The following GSN variants were observed in gnomAD, a reference collection of about 807,000 sequenced individuals.
The protein encoded by GSN is actin-depolymerizing factor.
In GSN, 56 loss-of-function variants were observed where a neutral mutation model predicts 85.7. That is an observed-to-expected ratio of 0.65 (90% CI 0.53 to 0.82). The LOEUF is 0.82. Among genes scored for constraint, GSN ranks in the 40% least tolerant of loss-of-function variants. The pLI, the probability that GSN is intolerant of heterozygous loss-of-function variation, is 0.00. For missense variants in GSN, 857 were observed against 979.8 expected, an observed-to-expected ratio of 0.87 and a Z score of 1.67; for synonymous variants, 373 against 399.1, an observed-to-expected ratio of 0.93 and a Z score of 0.78.
At chr9:121,306,855 C>T (rs1314988952) in intron 4 of GSN, among the ~76,000 whole-genome samples, 1 of 152,186 alleles carries the variant, frequency 6.6e-6, no homozygotes, top group African/African-American at 2.4e-5. Context: ...ATTAATCAGG[C>T]AGCTCATGGC....
chr9:121,299,250 C>T lies in GSN; in HGVS notation c.-9-2713C>T. On this transcript the variant is annotated intron_variant, in intron 2 of 17. Coordinates refer to ENST00000432226, the MANE Select transcript of GSN (RefSeq NM_198252.3). This position sits in a 1 kb window ranked among gnomAD's most constrained non-coding sequence, Gnocchi z 4.2. The stretch of plus-strand genomic sequence containing the variant: ...GCGTTCTGCCCCGCCCCTCTGAGTC[C>T]TGCCGGCTTCACCTGCCCACGGGAG... 1.0e-6 allele frequency: 1 copy of T among 978,784 alleles called. No homozygotes were observed. The highest frequency in any genetic ancestry group is 1.2e-6 in the Non-Finnish European group (1 of 823,782). 60.6% of individuals were successfully genotyped at this position (978,784 alleles called of 1,614,324 possible). A position where few individuals can be genotyped will look rare whatever the true frequency, so the allele number is the denominator to read the frequency against.
intron 4 of GSN, among the ~76,000 whole-genome samples, chr9:121,227,708 C>T (rs919007477): frequency 6.6e-6 from 1 of 152,144 alleles, no homozygotes; most frequent in African/African-American, 2.4e-5. Flanking sequence ...GAAATACACC[C>T]TCACATTGGT....
At chr9:121,215,938 C>T (rs1237085014) in intron 4 of GSN, among the ~76,000 whole-genome samples, 1 of 152,014 alleles carries the variant, frequency 6.6e-6, no homozygotes, top group South Asian at 2.1e-4. Flanking sequence ...AAAAAAATAG[C>T]TGGGTGAGTG....
intron 1 of GSN, chr9:121,279,986 C>T (rs2057159390): frequency 6.6e-6 from 1 of 152,208 alleles, no homozygotes. Context: ...TACCGTGACT[C>T]CACTTCCGTG....
intron 1 of GSN, among the ~76,000 whole-genome samples, chr9:121,275,867 G>A (rs575970431): frequency 6.6e-6 from 1 of 152,198 alleles, no homozygotes; most frequent in African/African-American, 2.4e-5. Flanking sequence ...CATCTTTAGG[G>A]TTGCCTTATT....
rs1026827366 is a variant in GSN at position 121,310,692 on chromosome 9, T to C, written c.360T>C (p.Gly120=). The C allele has an allele frequency of 1.9e-6, 3 of 1,613,996 alleles. No individual in the cohort carries two copies. The highest frequency in any genetic ancestry group is 1.7e-6 in the Non-Finnish European group (2 of 1,179,984). ...TCTCTTTGGCCCCACAGAAAGGAGG[T>C]GTGGCATCAGGATTCAAGCACGTGG... is the stretch of plus-strand genomic sequence containing the variant. ...FKSGLKYKKG[G]VASGFKHVVP... Residue 120 remains glycine (G), a synonymous_variant, in exon 5 of 18, where the codon GGT becomes GGC. Transcript: ENST00000432226.
At chr9:121,271,652 A>T (rs2055978098) in intron 1 of GSN, among the ~76,000 whole-genome samples, 1 of 152,110 alleles carries the variant, frequency 6.6e-6, no homozygotes, top group Admixed American at 6.5e-5. Flanking sequence ...GGAGTTTGTT[A>T]TGCTTTTATG....
chr9:121,287,837 G>C (rs1333704595), intron 2 of GSN, among the ~76,000 whole-genome samples: 2 of 152,008 alleles, frequency 1.3e-5, no homozygotes, highest in Non-Finnish European at 2.9e-5. Flanking sequence ...TCACAATCCA[G>C]TTGAGAAGAT....
chr9:121,331,407 A>G lies in GSN; in HGVS notation c.1985A>G (p.Lys662Arg). 1 of 1,607,564 alleles carries G rather than the reference A, an allele frequency of 6.2e-7. No individual in the cohort carries two copies. Among genetic ancestry groups the G allele is most frequent in the Non-Finnish European group, 8.5e-7 (1 of 1,175,714 alleles). ...CTCCAGGTCTTTGTCTGGGTTGGAAAGGATTCTCAAGAAGAAGAAAAGACA... is the reference window on the plus strand; with the variant it reads ...CTCCAGGTCTTTGTCTGGGTTGGAAGGGATTCTCAAGAAGAAGAAAAGACA... ...TWDQVFVWVG[K>R]DSQEEEKTEA... Residue 662 changes from lysine (K) to arginine (R), a missense_variant, in exon 17 of 18, where the codon AAG (lysine) becomes AGG (arginine). Lys to Arg is a conservative substitution (Grantham distance 26, BLOSUM62 2). Transcript: ENST00000432226.
At chr9:121,265,800 G>C (rs954829253), upstream of GSN, 6 of 152,208 alleles carry the variant, frequency 3.9e-5, no homozygotes, top group East Asian at 9.6e-4. Flanking sequence ...AGATCCAATG[G>C]GGGGAGAAGT....
At chr9:121,286,240 C>T (rs2132726180) in intron 2 of GSN, 1 of 1,186,048 alleles carries the variant, frequency 8.4e-7, no homozygotes, top group South Asian at 1.3e-5. Context: ...GGAGGGACGC[C>T]AGGGAGACCC....
intron 5 of GSN, among the ~76,000 whole-genome samples, chr9:121,235,820 G>A (rs1294354844): frequency 9.2e-5 from 14 of 152,174 alleles, no homozygotes; most frequent in Non-Finnish European, 1.6e-4. Flanking sequence ...GACAGTCTAG[G>A]GGGACAGCCA....
intron 5 of GSN, among the ~76,000 whole-genome samples, chr9:121,235,706 G>A (rs150245376): frequency 6.8e-4 from 103 of 152,288 alleles, no homozygotes; most frequent in African/African-American, 2.4e-3. Flanking sequence ...AAGCTTGCTG[G>A]TTATCTTAGA....
At chr9:121,298,487 G>C (rs775652319) in intron 2 of GSN, among the ~76,000 whole-genome samples, 2 of 152,170 alleles carry the variant, frequency 1.3e-5, no homozygotes, top group Non-Finnish European at 2.9e-5. Context: ...TTAGATAGAG[G>C]CTGGACTTCC....
At chr9:121,321,494 T>C in intron 11 of GSN, 93 bp downstream of exon 11, 1 of 1,236,820 alleles carries the variant, frequency 8.1e-7, no homozygotes, top group Non-Finnish European at 1.2e-6. Context: ...GGGCCTGAGG[T>C]GGGACCACCA....
intron 7 of GSN, among the ~76,000 whole-genome samples, chr9:121,314,372 G>C (rs2061492549): frequency 6.6e-6 from 1 of 152,206 alleles, no homozygotes; most frequent in Non-Finnish European, 1.5e-5. Flanking sequence ...AATACTTGGG[G>C]AAATACTACA....
chr9:121,204,661 T>A (rs375009911), upstream of GSN, among the ~76,000 whole-genome samples: 5 of 152,190 alleles, frequency 3.3e-5, no homozygotes, highest in East Asian at 5.8e-4. Flanking sequence ...TAAGAAGAGA[T>A]GTATACATGG....
chr9:121,312,571 A>C, intron 6 of GSN, 83 bp downstream of exon 6: 2 of 1,026,898 alleles, frequency 1.9e-6, no homozygotes, highest in Non-Finnish European at 1.4e-6. Context: ...TTTGAGGTGA[A>C]TTTGAGGAAA....
At chr9:121,227,932 C>T (rs1194024784) in intron 4 of GSN, among the ~76,000 whole-genome samples, 1 of 152,080 alleles carries the variant, frequency 6.6e-6, no homozygotes, top group African/African-American at 2.4e-5. Flanking sequence ...CTGGACATCC[C>T]GGGGCCAGGA....
Sources: gnomAD v4.1 joint callset for allele counts (sites outside exome capture counted in the v4.1 genomes callset) on GRCh38, gnomAD v4.1.1 for gene constraint, Gnocchi (gnomAD v3.1) non-coding constraint, MANE v1.5 for transcripts, NCBI Gene and HGNC (gene_info 2026-07-23, HGNC 2026-07-21) for gene names.